Variants in NCOA2 observed in about 807,000 individuals in gnomAD.
The protein encoded by NCOA2 is class E basic helix-loop-helix protein 75.
NCOA2 carries 21 observed loss-of-function variants against 145.1 expected under a neutral mutation model. The ratio of observed to expected loss-of-function variants is 0.14; its 90% CI spans 0.10 to 0.21. The LOEUF (loss-of-function observed/expected upper bound fraction) is 0.21, where lower values mean the gene tolerates loss of function less well. Among genes scored for constraint, NCOA2 ranks in the 10% least tolerant of loss-of-function variants. The pLI is 1.00. For missense variants in NCOA2, 1,472 were observed against 1,837.6 expected (o/e 0.80, Z 3.64); for synonymous variants, 619 against 637.5 (o/e 0.97, Z 0.44).
chr8:70,328,836 A>G (rs558004928), intron 1 of NCOA2, among the ~76,000 whole-genome samples: 3 of 152,336 alleles, frequency 2.0e-5, no homozygotes, highest in South Asian at 4.1e-4. Context: ...ATGCAGAGCA[A>G]CTAGAACTTC....
rs563195215 is a variant in NCOA2 at position 70,373,627 on chromosome 8, A to G, written c.-77+30073T>C. ...AGAAATCCTTGCCTAACCAAAGTTG[A>G]TATTATCTTGTGCTAAGTTTACTTT... On this transcript the variant is annotated intron_variant, in intron 1 of 22. Transcript: ENST00000452400. Among the ~76,000 whole-genome samples, 36 of 152,190 alleles carry G rather than the reference A, an allele frequency of 2.4e-4. No homozygotes were observed. In the South Asian group the frequency reaches 7.0e-3, roughly 30 times the overall value.
At chr8:70,223,601 G>A (rs1009733514) in intron 2 of NCOA2, among the ~76,000 whole-genome samples, 4 of 152,262 alleles carry the variant, frequency 2.6e-5, no homozygotes, top group Non-Finnish European at 4.4e-5. Flanking sequence ...CACAGATCAC[G>A]GGTGTAATGA....
the NCOA2 span, among the ~76,000 whole-genome samples, chr8:70,454,105 A>G: frequency 2.0e-5 from 3 of 152,220 alleles, no homozygotes; most frequent in Non-Finnish European, 2.9e-5. Context: ...AATTGTAATC[A>G]CATTTTATCT....
chr8:70,217,540 A>G (rs1403787921), intron 2 of NCOA2, among the ~76,000 whole-genome samples: 1 of 152,186 alleles, frequency 6.6e-6, no homozygotes, highest in East Asian at 1.9e-4. Flanking sequence ...GATATGCCCC[A>G]GAAGTCAGGG....
intron 12 of NCOA2, among the ~76,000 whole-genome samples, chr8:70,146,797 G>A (rs1024280685): frequency 2.6e-5 from 4 of 151,768 alleles, no homozygotes; most frequent in African/African-American, 9.7e-5. Context: ...CCGGGTTCAA[G>A]CAATTCTCCT....
chr8:70,384,016 T>A (rs1812450953), intron 1 of NCOA2, among the ~76,000 whole-genome samples: 1 of 152,208 alleles, frequency 6.6e-6, no homozygotes, highest in African/African-American at 2.4e-5. Flanking sequence ...ATCAGTGTAC[T>A]CCATTTGTGT....
At chr8:70,277,213 C>T (rs1235333071) in intron 2 of NCOA2, among the ~76,000 whole-genome samples, 4 of 152,150 alleles carry the variant, frequency 2.6e-5, no homozygotes, top group African/African-American at 7.2e-5. Context: ...CAAAAATGGT[C>T]TGTATAACAT....
chr8:70,373,340 G>T (rs1444318454), intron 1 of NCOA2, among the ~76,000 whole-genome samples: 1 of 152,086 alleles, frequency 6.6e-6, no homozygotes, highest in East Asian at 1.9e-4. Context: ...TTATGGTGTT[G>T]AATATCTTTT....
intron 6 of NCOA2, among the ~76,000 whole-genome samples, chr8:70,168,031 A>T (rs1240937123): frequency 6.6e-6 from 1 of 152,240 alleles, no homozygotes; most frequent in African/African-American, 2.4e-5. Context: ...ACAATAGAAC[A>T]GGAGATCAAA....
intron 1 of NCOA2, among the ~76,000 whole-genome samples, chr8:70,338,229 C>A (rs1026328592): frequency 9.2e-5 from 14 of 151,998 alleles, no homozygotes; most frequent in African/African-American, 3.4e-4. Context: ...AGAGAAGAAT[C>A]AAATAAGCAC....
chr8:70,401,418 C>T (rs1356239542), intron 1 of NCOA2, among the ~76,000 whole-genome samples: 1 of 152,086 alleles, frequency 6.6e-6, no homozygotes, highest in Non-Finnish European at 1.5e-5. Context: ...AGACTTTTTC[C>T]TGTAGACAAA....
At chr8:70,154,176 T>C (rs1186974096) in intron 11 of NCOA2, among the ~76,000 whole-genome samples, 1 of 152,164 alleles carries the variant, frequency 6.6e-6, no homozygotes, top group Non-Finnish European at 1.5e-5. Flanking sequence ...CACTGACACA[T>C]GAAATATCCT....
At chr8:70,211,124 G>A (rs1324658470) in intron 4 of NCOA2, among the ~76,000 whole-genome samples, 1 of 152,086 alleles carries the variant, frequency 6.6e-6, no homozygotes, top group Non-Finnish European at 1.5e-5. Context: ...GGAGTGGTAC[G>A]CATGGGTTGC....
At chr8:70,278,507 T>A (rs984774488) in intron 2 of NCOA2, among the ~76,000 whole-genome samples, 2 of 152,148 alleles carry the variant, frequency 1.3e-5, no homozygotes, top group South Asian at 4.2e-4. Flanking sequence ...GACTCCTCCT[T>A]CCCTTAGAAG....
chr8:70,206,846 C>T (rs1818492641), intron 4 of NCOA2, among the ~76,000 whole-genome samples: 1 of 152,208 alleles, frequency 6.6e-6, no homozygotes, highest in South Asian at 2.1e-4. Context: ...CTCCTCACGC[C>T]CAGCCCCGAC....
upstream of NCOA2, among the ~76,000 whole-genome samples, chr8:70,406,796 T>A (rs1814789050): frequency 6.6e-6 from 1 of 152,196 alleles, no homozygotes; most frequent in Non-Finnish European, 1.5e-5. Flanking sequence ...ATAAGTAAAC[T>A]GCATAAAAGT....
intron 15 of NCOA2, among the ~76,000 whole-genome samples, chr8:70,135,421 A>C (rs765355123): frequency 4.6e-4 from 70 of 152,336 alleles, no homozygotes; most frequent in Middle Eastern, 3.4e-3. Context: ...GTATAGGTGC[A>C]GTAAGTTTCT....
chr8:70,187,018 C>G (rs868161942), intron 4 of NCOA2, among the ~76,000 whole-genome samples: 5 of 152,162 alleles, frequency 3.3e-5, no homozygotes, highest in Non-Finnish European at 7.3e-5. Context: ...CCAATTTAAG[C>G]AGGCATGGCA....
At chr8:70,131,766 G>A (rs758286282) in intron 16 of NCOA2, 71 bp downstream of exon 16, 146 of 1,475,124 alleles carry the variant, frequency 9.9e-5, no homozygotes, top group Admixed American at 3.0e-4. Context: ...TGGAGTACCT[G>A]TAAACAGAAA....
Sources: allele counts gnomAD v4.1 joint callset (sites outside exome capture counted in the v4.1 genomes callset), GRCh38; gene constraint gnomAD v4.1.1; transcripts MANE v1.5; gene names NCBI Gene and HGNC (gene_info 2026-07-23, HGNC 2026-07-21).